MAMDC2: variants seen among roughly 807,000 people sequenced by gnomAD.
The protein encoded by MAMDC2 is MAM domain containing 2, also known as MAM domain-containing protein 2.
MAMDC2 carries 57 observed loss-of-function variants against 89.8 expected under a neutral mutation model. The ratio of observed to expected loss-of-function variants is 0.63; its 90% CI spans 0.51 to 0.79. The LOEUF is 0.79. Among genes scored for constraint, MAMDC2 ranks in the 30% least tolerant of loss-of-function variants. MAMDC2 has a pLI of 0.00. For missense variants in MAMDC2, 800 were observed against 820.6 expected (o/e 0.97, Z 0.31); for synonymous variants, 313 against 293.4 (o/e 1.07, Z -0.68).
Position 70,131,599 on chromosome 9 carries a change from C to T in MAMDC2, c.981C>T (p.Cys327=). The T allele has an allele frequency of 6.2e-7, 1 of 1,607,544 alleles. No homozygotes were observed. Among genetic ancestry groups the T allele is most frequent in the Non-Finnish European group, 8.5e-7 (1 of 1,177,262 alleles). The change falls in exon 7 of 14, where the codon TGC becomes TGT. Residue 327 remains cysteine (C), a synonymous_variant. Coordinates refer to ENST00000377182, the MANE Select transcript of MAMDC2 (RefSeq NM_153267.5). ...LDDISFSPVH[C]QNQTELLFSA... ...ATATTTCATTCTCTCCTGTTCACTG[C>T]CAGAATCAGACAGGTGAGCATTCTC... is the stretch of plus-strand genomic sequence containing the variant.
intron 9 of MAMDC2, among the ~76,000 whole-genome samples, chr9:70,154,515 C>T (rs868594355): frequency 2.1e-5 from 3 of 143,634 alleles, no homozygotes; most frequent in African/African-American, 7.8e-5. Flanking sequence ...ATGCTGAGTC[C>T]GATTTGGAAC....
At chr9:70,208,615 T>C (rs550830191) in intron 11 of MAMDC2, among the ~76,000 whole-genome samples, 104 of 152,356 alleles carry the variant, frequency 6.8e-4, no homozygotes, top group Non-Finnish European at 1.2e-3. Context: ...CCTAACTTAA[T>C]ACCCTTTATT....
chr9:70,224,449 T>C (rs2033614008), intron 12 of MAMDC2, among the ~76,000 whole-genome samples: 1 of 152,134 alleles, frequency 6.6e-6, no homozygotes, highest in African/African-American at 2.4e-5. Flanking sequence ...GGTATAACTA[T>C]TAGTCTGCAG....
chr9:70,207,440 T>C (rs1408169198), intron 11 of MAMDC2, among the ~76,000 whole-genome samples: 1 of 152,264 alleles, frequency 6.6e-6, no homozygotes, highest in Non-Finnish European at 1.5e-5. Context: ...TTGAGAAGTG[T>C]CCGTTCATAT....
intron 2 of MAMDC2, among the ~76,000 whole-genome samples, chr9:70,055,640 C>T (rs915571703): frequency 2.6e-5 from 4 of 152,128 alleles, no homozygotes; most frequent in South Asian, 2.1e-4. Flanking sequence ...GTGTGTCTCC[C>T]GGGCAGTGGT....
intron 5 of MAMDC2, among the ~76,000 whole-genome samples, chr9:70,116,699 A>G (rs1231821900): frequency 4.6e-5 from 4 of 86,850 alleles, no homozygotes; most frequent in South Asian, 3.2e-4. Context: ...TGGCATTAGA[A>G]AAAAAAAAAA....
intron 8 of MAMDC2, among the ~76,000 whole-genome samples, chr9:70,142,328 G>A (rs900987013): frequency 1.3e-5 from 2 of 152,168 alleles, no homozygotes; most frequent in East Asian, 1.9e-4. Flanking sequence ...GAATGGTGAC[G>A]AGGAGAATGG....
At chr9:70,115,544 TG>T (rs1403718246) in intron 5 of MAMDC2, among the ~76,000 whole-genome samples, 1 of 152,112 alleles carries the variant, frequency 6.6e-6, no homozygotes, top group Non-Finnish European at 1.5e-5. Flanking sequence ...TTAGTAAAGA[TG>T]GGGTTTCCCC....
chr9:70,203,254 G>A (rs1290006674), intron 11 of MAMDC2, among the ~76,000 whole-genome samples: 16 of 152,034 alleles, frequency 1.1e-4, no homozygotes, highest in African/African-American at 3.9e-4. Flanking sequence ...AGGCCTGATG[G>A]TGACAAAATC....
chr9:70,221,531 C>T (rs1474027560), intron 12 of MAMDC2, among the ~76,000 whole-genome samples: 1 of 150,146 alleles, frequency 6.7e-6, no homozygotes, highest in Non-Finnish European at 1.5e-5. Context: ...TGGTCAAAGG[C>T]TACAAAGTTT....
intron 2 of MAMDC2, among the ~76,000 whole-genome samples, chr9:70,107,382 C>T (rs372236582): frequency 1.3e-4 from 19 of 150,952 alleles, no homozygotes; most frequent in South Asian, 1.1e-3. Context: ...AGGAGAAGGA[C>T]GGGGAAAGGG....
chr9:70,045,724 C>A (rs376119313), intron 2 of MAMDC2, among the ~76,000 whole-genome samples: 5 of 152,122 alleles, frequency 3.3e-5, no homozygotes, highest in Non-Finnish European at 7.4e-5. Flanking sequence ...CTTCTCTGAC[C>A]CTCACAGGTA....
intron 5 of MAMDC2, among the ~76,000 whole-genome samples, chr9:70,120,182 T>G (rs2030221269): frequency 6.6e-6 from 1 of 152,194 alleles, no homozygotes; most frequent in Non-Finnish European, 1.5e-5. Flanking sequence ...TTCTCTACTC[T>G]TCCCCTACGG....
At chr9:70,198,882 C>T (rs1237629396) in intron 11 of MAMDC2, among the ~76,000 whole-genome samples, 1 of 152,060 alleles carries the variant, frequency 6.6e-6, no homozygotes, top group Non-Finnish European at 1.5e-5. Flanking sequence ...AAGAATATCA[C>T]AACTCTGTTA....
rs544195043 is a variant in MAMDC2, at chr9:70,163,827, G to A, written c.1405-4875G>A. On this transcript the variant is annotated intron_variant, in intron 9 of 13. Transcript: ENST00000377182. Reference sequence around the variant, plus strand: ...AAATTAGCCGGGTGTGGTGGTGCACGCCTGTAGTTCCAACTATTTGGGAGG... The same window carrying A: ...AAATTAGCCGGGTGTGGTGGTGCACACCTGTAGTTCCAACTATTTGGGAGG... Among the ~76,000 whole-genome samples the A allele has an allele frequency of 1.5e-4, 23 of 151,506 alleles. No homozygotes were observed. The South Asian group carries it at 2.3e-3, about 15-fold the overall frequency.
chr9:70,205,357 AAAAGT>A (rs2033203553), intron 11 of MAMDC2, among the ~76,000 whole-genome samples: 1 of 152,300 alleles, frequency 6.6e-6, no homozygotes, highest in Admixed American at 6.5e-5. Flanking sequence ...AAAATCACTT[AAAAGT>A]ATAGTAAAGA....
At chr9:70,169,816 GAAAAT>G (rs1323287767) in intron 10 of MAMDC2, 1 of 152,174 alleles carries the variant, frequency 6.6e-6, no homozygotes, top group East Asian at 1.9e-4. Flanking sequence ...TTGGGAAAAG[GAAAAT>G]AAACCTCTGG....
At chr9:70,080,386 A>G (rs901605399) in intron 2 of MAMDC2, among the ~76,000 whole-genome samples, 1 of 152,216 alleles carries the variant, frequency 6.6e-6, no homozygotes, top group Non-Finnish European at 1.5e-5. Context: ...GTCTATAGAG[A>G]TCTGCACATT....
In MAMDC2 at chr9:70,059,462, G is replaced by A. The variant is rs3015241; in HGVS notation, c.148+14765G>A. 6.8e-3 allele frequency among the ~76,000 whole-genome samples: 1,040 copies of A among 152,238 alleles called. 17 individuals carry two copies. The highest frequency in any genetic ancestry group is 0.024 in the African/African-American group (982 of 41,540). On this transcript the variant is annotated intron_variant, in intron 2 of 13. Transcript: ENST00000377182. Reference sequence around the variant, plus strand: ...AATGACCTGTGTTCTATTATCCTTCGTGTTAAGCTCTTCTTTCATGACCCC... The same window carrying A: ...AATGACCTGTGTTCTATTATCCTTCATGTTAAGCTCTTCTTTCATGACCCC...
Sources: gnomAD v4.1 joint callset for allele counts (sites outside exome capture counted in the v4.1 genomes callset) on GRCh38, gnomAD v4.1.1 for gene constraint, MANE v1.5 for transcripts, NCBI Gene and HGNC (gene_info 2026-07-23, HGNC 2026-07-21) for gene names.